CELF2: variants seen among roughly 807,000 people sequenced by gnomAD.
CELF2 encodes CUG triplet repeat RNA-binding protein 2.
Under a neutral mutation model 62.6 loss-of-function variants are expected in CELF2, and 8 were observed. That is an observed-to-expected ratio of 0.13 (90% confidence interval 0.07 to 0.23). The LOEUF (loss-of-function observed/expected upper bound fraction) is 0.23, where lower values mean the gene tolerates loss of function less well. CELF2 is among the 10% of genes least tolerant of loss of function. CELF2 has a pLI of 1.00. For synonymous variants in CELF2, 258 were observed against 250.0 expected (o/e 1.03, Z -0.30); for missense variants, 333 against 671.0 (o/e 0.50, Z 5.56).
the CELF2 span, among the ~76,000 whole-genome samples, chr10:10,531,611 G>A: frequency 1.3e-5 from 2 of 152,108 alleles, no homozygotes; most frequent in African/African-American, 4.8e-5. Context: ...CAGGTCATGA[G>A]GTACTTCCTA....
chr10:11,116,713 G>A (rs1482226596), intron 1 of CELF2, among the ~76,000 whole-genome samples: 1 of 152,170 alleles, frequency 6.6e-6, no homozygotes, highest in Non-Finnish European at 1.5e-5. Flanking sequence ...TTGATGACAT[G>A]GCCAAGAAAA....
chr10:11,108,575 GT>G (rs2054288874), intron 1 of CELF2, among the ~76,000 whole-genome samples: 1 of 152,150 alleles, frequency 6.6e-6, no homozygotes, highest in Non-Finnish European at 1.5e-5. Flanking sequence ...TGGCGGGAGG[GT>G]TCATCTGGTT....
At chr10:11,144,248 A>G (rs1044307890) in intron 1 of CELF2, among the ~76,000 whole-genome samples, 26 of 152,196 alleles carry the variant, frequency 1.7e-4, no homozygotes, top group Non-Finnish European at 5.9e-5. Context: ...TAAGAAGGAA[A>G]AAAAACCGTC....
chr10:11,033,750 TC>T, intron 1 of CELF2, among the ~76,000 whole-genome samples: 1 of 152,230 alleles, frequency 6.6e-6, no homozygotes, highest in South Asian at 2.1e-4. Flanking sequence ...GCAAATTGAT[TC>T]CCCTGTAGTG....
chr10:11,007,546 A>G (rs1234682359), intron 1 of CELF2, among the ~76,000 whole-genome samples: 1 of 152,212 alleles, frequency 6.6e-6, no homozygotes, highest in East Asian at 1.9e-4. Flanking sequence ...GGTTGTGAAT[A>G]GAGTGAATTT....
At chr10:10,525,076 T>C in the CELF2 span, among the ~76,000 whole-genome samples, 1 of 152,226 alleles carries the variant, frequency 6.6e-6, no homozygotes, top group African/African-American at 2.4e-5. Flanking sequence ...GCATACGTTG[T>C]GGAATGATTA....
chr10:11,145,186 A>C lies in CELF2; in HGVS notation c.75-20300A>C, dbSNP rs1001494404. On this transcript the variant is annotated intron_variant, in intron 1 of 12. Transcript: ENST00000633077. The surrounding 1 kb of genome is among the most constrained non-coding windows in gnomAD (Gnocchi z 4.3). Reference sequence around the variant, plus strand: ...TATATTTACCATAATCCATGAAAGGAAAAAGCCCAGGCTAAAAATACAGAA... The same window carrying C: ...TATATTTACCATAATCCATGAAAGGCAAAAGCCCAGGCTAAAAATACAGAA... Among the ~76,000 whole-genome samples, 2 of 152,244 alleles carry C rather than the reference A, an allele frequency of 1.3e-5. No homozygotes were observed. Among genetic ancestry groups the C allele is most frequent in the African/African-American group, 4.8e-5 (2 of 41,458 alleles).
intron 1 of CELF2, among the ~76,000 whole-genome samples, chr10:11,007,804 C>G (rs747969399): frequency 3.3e-5 from 5 of 152,142 alleles, no homozygotes; most frequent in Non-Finnish European, 5.9e-5. Context: ...TCCCTAGCTG[C>G]TTGTCCGTGG....
At chr10:10,631,204 A>T in the CELF2 span, among the ~76,000 whole-genome samples, 1 of 152,218 alleles carries the variant, frequency 6.6e-6, no homozygotes, top group Non-Finnish European at 1.5e-5. Flanking sequence ...GAATTAACAG[A>T]GACACCTTTC....
intron 2 of CELF2, among the ~76,000 whole-genome samples, chr10:11,168,527 C>T (rs551837169): frequency 6.6e-6 from 1 of 152,268 alleles, no homozygotes; most frequent in South Asian, 2.1e-4. Flanking sequence ...CTCACATTTA[C>T]TTTGATTCAG....
intron 2 of CELF2, chr10:11,168,992 T>A (rs979542421): frequency 2.0e-5 from 3 of 151,918 alleles, no homozygotes; most frequent in African/African-American, 7.3e-5. Context: ...CCACAGAGAG[T>A]TAAGAACATG....
chr10:11,103,986 G>T (rs886389150), intron 1 of CELF2, among the ~76,000 whole-genome samples: 2 of 46,832 alleles, frequency 4.3e-5, no homozygotes, highest in Non-Finnish European at 6.1e-5. Context: ...TTTATGGTCA[G>T]TTCTGTTTTT....
chr10:11,164,430 C>T (rs1363331967), intron 1 of CELF2, among the ~76,000 whole-genome samples: 1 of 152,182 alleles, frequency 6.6e-6, no homozygotes, highest in South Asian at 2.1e-4. Context: ...TTGGAAACAG[C>T]GTTGAGGAGG....
Position 11,211,817 on chromosome 10 carries a change from T to A in CELF2, c.272-5608T>A, listed in dbSNP as rs200488983. Among the ~76,000 whole-genome samples, 1,673 of 73,156 alleles carry A rather than the reference T, an allele frequency of 0.023. 21 individuals carry two copies. The highest frequency in any genetic ancestry group is 0.054 in the African/African-American group (964 of 17,832). The allele number at this position is 73,156 out of a possible 152,430, so 48.0% of individuals were successfully genotyped here. A position where few individuals can be genotyped will look rare whatever the true frequency, so the allele number is the denominator to read the frequency against. ...GAGAGAGAGAGAGAGAGAGAGAGTG[T>A]GTGTGTGTGTGTGTGTGTGTGTGTG... On this transcript the variant is annotated intron_variant, in intron 2 of 12. Coordinates refer to ENST00000633077, the MANE Select transcript of CELF2 (RefSeq NM_001326342.2). The surrounding 1 kb of genome is among the most constrained non-coding windows in gnomAD (Gnocchi z 4.8).
chr10:11,018,011 GC>G lies in CELF2; in HGVS notation c.-76del, dbSNP rs2057547226. 9.5e-7 allele frequency: 1 copy of G among 1,055,036 alleles called. No homozygotes were observed. Among genetic ancestry groups the G allele is most frequent in the African/African-American group, 1.7e-5 (1 of 58,002 alleles). 65.4% of individuals were successfully genotyped at this position (1,055,036 alleles called of 1,614,324 possible). A position where few individuals can be genotyped will look rare whatever the true frequency, so the allele number is the denominator to read the frequency against. ...GGGGAGGCCGCGCGCACCTGTCCCT[GC>G]CCGTCTCGCGCCGCCCGCGGCCGCT... is the stretch of plus-strand genomic sequence containing the variant. On this transcript the variant is annotated 5_prime_UTR_variant, in exon 1 of 13. Transcript: ENST00000633077.
At chr10:10,478,788 G>C in the CELF2 span, among the ~76,000 whole-genome samples, 2 of 152,134 alleles carry the variant, frequency 1.3e-5, no homozygotes, top group Admixed American at 6.6e-5. Flanking sequence ...CATCATTTCT[G>C]TCTGGGACAG....
At position 11,259,955 on chromosome 10, in the gene CELF2, G is replaced by A. The variant is rs531534299; in HGVS notation, c.538+2083G>A. ...TTGTTATTCTCAGTCACACTTCAGTGTTACCGTAGTAATTTTCATTCTCCA... is the reference window on the plus strand; with the variant it reads ...TTGTTATTCTCAGTCACACTTCAGTATTACCGTAGTAATTTTCATTCTCCA... On this transcript the variant is annotated intron_variant, in intron 5 of 12. Coordinates refer to ENST00000633077, the MANE Select transcript of CELF2 (RefSeq NM_001326342.2). Among the ~76,000 whole-genome samples the A allele has an allele frequency of 1.3e-3, 198 of 152,304 alleles. No homozygotes were observed. In the Middle Eastern group the frequency reaches 0.014, roughly 10 times the overall value.
chr10:10,885,730 T>C (rs1321259111), intron 1 of CELF2, among the ~76,000 whole-genome samples: 2 of 152,180 alleles, frequency 1.3e-5, no homozygotes, highest in African/African-American at 2.4e-5. Flanking sequence ...AAAGAATTCA[T>C]TGATGTGCCT....
intron 2 of CELF2, among the ~76,000 whole-genome samples, chr10:10,932,362 A>G (rs1231646004): frequency 2.0e-5 from 3 of 152,158 alleles, no homozygotes; most frequent in African/African-American, 7.2e-5. Flanking sequence ...TAATTAATTT[A>G]TGTATACTGG....
Sources: gnomAD v4.1 joint callset for allele counts (sites outside exome capture counted in the v4.1 genomes callset) on GRCh38, gnomAD v4.1.1 for gene constraint, Gnocchi (gnomAD v3.1) non-coding constraint, MANE v1.5 for transcripts, NCBI Gene and HGNC (gene_info 2026-07-23, HGNC 2026-07-21) for gene names.